NFATC3: variants seen among roughly 807,000 people sequenced by gnomAD.
NFATC3 encodes nuclear factor of activated T cells 3.
Under a neutral mutation model 98.6 loss-of-function variants are expected in NFATC3, and 46 were observed. The observed-to-expected ratio is 0.47, with a 90% confidence interval of 0.37 to 0.60. NFATC3 has a LOEUF of 0.60. Among genes scored for constraint, NFATC3 ranks in the 20% least tolerant of loss-of-function variants. The pLI, the probability that NFATC3 is intolerant of heterozygous loss-of-function variation, is 0.00. For missense variants in NFATC3, 1,256 were observed against 1,295.5 expected (o/e 0.97, Z 0.47); for synonymous variants, 512 against 472.2 (o/e 1.08, Z -1.09).
In NFATC3 at chr16:68,122,758, C is replaced by T. The variant is rs1485703161; in HGVS notation, c.875C>T (p.Ser292Leu). ...CYAGSLSPHH[S>L]PVPSPGHSPR... ...GCTGGGTCCCTTTCACCCCATCACT[C>T]ACCTGTTCCTTCACCTGGTCACTCC... The change falls in exon 2 of 10, where the codon TCA (serine) becomes TTA (leucine). Residue 292 changes from serine (S) to leucine (L), a missense_variant. Ser to Leu is a moderately radical substitution (Grantham distance 145). Coordinates refer to ENST00000346183, the MANE Select transcript of NFATC3 (RefSeq NM_173165.3). 2 of 1,614,122 alleles carry T rather than the reference C, an allele frequency of 1.2e-6. No individual in the cohort carries two copies. Among genetic ancestry groups the T allele is most frequent in the African/African-American group, 1.3e-5 (1 of 74,938 alleles).
rs570372563 is a variant in NFATC3 at position 68,189,440 on chromosome 16, C to T, written c.2099-1328C>T. The T allele has an allele frequency of 1.9e-5, 4 of 210,626 alleles. No individual in the cohort carries two copies. The East Asian group carries it at 3.3e-4, about 17-fold the overall frequency. The allele number at this position is 210,626 out of a possible 1,614,324, so 13.0% of individuals were successfully genotyped here. On this transcript the variant is annotated intron_variant, in intron 8 of 9. Coordinates refer to ENST00000346183, the MANE Select transcript of NFATC3 (RefSeq NM_173165.3). ...CACATGGGAAAAAAGATTGTGTTGG[C>T]TATTTGAGATCTCTTGAGATTCCAT...
chr16:68,098,306 T>A lies in NFATC3; in HGVS notation c.103+12522T>A, dbSNP rs866875076. 7.5e-3 allele frequency among the ~76,000 whole-genome samples: 934 copies of A among 125,056 alleles called. 6 individuals are homozygous for A. Among genetic ancestry groups the A allele is most frequent in the South Asian group, 0.021 (83 of 3,906 alleles). 82.0% of individuals were successfully genotyped at this position (125,056 alleles called of 152,430 possible). On this transcript the variant is annotated intron_variant, in intron 1 of 9. Coordinates refer to ENST00000346183, the MANE Select transcript of NFATC3 (RefSeq NM_173165.3). ...TATTATTATTATTATTATTATTTTT[T>A]TTTTTTTTTTTTTAGATGGAGTCTC... is the stretch of plus-strand genomic sequence containing the variant.
Position 68,152,378 on chromosome 16 carries a change from CAAAAAAAAAA to C in NFATC3, c.1402-5477_1402-5468del, listed in dbSNP as rs34713933. Among the ~76,000 whole-genome samples the C allele has an allele frequency of 7.9e-5, 6 of 75,854 alleles. No individual in the cohort carries two copies. The East Asian group carries it at 1.9e-3, about 24-fold the overall frequency. 49.8% of individuals were successfully genotyped at this position (75,854 alleles called of 152,430 possible). On this transcript the variant is annotated intron_variant, in intron 3 of 9. Coordinates refer to ENST00000346183, the MANE Select transcript of NFATC3 (RefSeq NM_173165.3). Reference sequence around the variant, plus strand: ...TGGGCAACAGAGCGAGACTCTGTCTCAAAAAAAAAAAAAAAAAAAAAAAGTACCATTCTAC... The same window carrying C: ...TGGGCAACAGAGCGAGACTCTGTCTCAAAAAAAAAAAAAGTACCATTCTAC...
intron 1 of NFATC3, among the ~76,000 whole-genome samples, chr16:68,099,284 A>G (rs2035210969): frequency 6.6e-6 from 1 of 152,024 alleles, no homozygotes; most frequent in African/African-American, 2.4e-5. Context: ...AAATACAAAA[A>G]ATTAGCCGGC....
In NFATC3 at chr16:68,171,406, T is replaced by C. The variant is rs77977545; in HGVS notation, c.1775-2968T>C. On this transcript the variant is annotated intron_variant, in intron 5 of 9. Transcript: ENST00000346183. ...ATTTAGAACAGTAGAGACATGAGTATTTTCTGAGATCTAGGTTGGTGCTTG... is the reference window on the plus strand; with the variant it reads ...ATTTAGAACAGTAGAGACATGAGTACTTTCTGAGATCTAGGTTGGTGCTTG... Among the ~76,000 whole-genome samples the C allele has an allele frequency of 6.2e-3, 948 of 152,254 alleles. 11 individuals are homozygous for C. Among genetic ancestry groups the C allele is most frequent in the African/African-American group, 0.022 (902 of 41,550 alleles).
intron 7 of NFATC3, among the ~76,000 whole-genome samples, chr16:68,182,200 A>G: frequency 6.6e-6 from 1 of 152,170 alleles, no homozygotes; most frequent in African/African-American, 2.4e-5. Flanking sequence ...AGTGGGTAAA[A>G]GTTAGGAGCA....
At chr16:68,180,929 A>C (rs2039924045) in intron 6 of NFATC3, among the ~76,000 whole-genome samples, 1 of 152,192 alleles carries the variant, frequency 6.6e-6, no homozygotes. Context: ...GTTGGTTCCA[A>C]GTCTTTGCTG....
intron 9 of NFATC3, among the ~76,000 whole-genome samples, chr16:68,216,333 G>A (rs2041635349): frequency 6.6e-6 from 1 of 152,142 alleles, no homozygotes; most frequent in African/African-American, 2.4e-5. Context: ...GAGAGAAGTT[G>A]TTTATTTTTT....
chr16:68,145,833 T>C (rs2151550533), intron 3 of NFATC3, among the ~76,000 whole-genome samples: 1 of 152,286 alleles, frequency 6.6e-6, no homozygotes, highest in South Asian at 2.1e-4. Context: ...AATGAATGCA[T>C]GTAGAACAAT....
At chr16:68,099,726 A>G (rs2035240421) in intron 1 of NFATC3, among the ~76,000 whole-genome samples, 1 of 152,006 alleles carries the variant, frequency 6.6e-6, no homozygotes, top group Admixed American at 6.6e-5. Context: ...CCTGGCAACC[A>G]CTAATCTATT....
At chr16:68,219,979 C>T (rs117992789) in intron 9 of NFATC3, among the ~76,000 whole-genome samples, 2,026 of 152,316 alleles carry the variant, frequency 0.013, 26 homozygotes, top group Middle Eastern at 0.034. Context: ...GTAGAAATAG[C>T]ATTCCAGTGG....
intron 1 of NFATC3, among the ~76,000 whole-genome samples, chr16:68,120,155 C>G (rs993389267): frequency 2.0e-5 from 3 of 150,714 alleles, no homozygotes; most frequent in African/African-American, 7.3e-5. Context: ...GTGGCATGCA[C>G]CTGTGGTCTC....
At chr16:68,183,393 T>TAG (rs1184182260) in intron 8 of NFATC3, 27 bp downstream of exon 8, 1 of 1,604,860 alleles carries the variant, frequency 6.2e-7, no homozygotes, top group East Asian at 2.2e-5. Flanking sequence ...TGGTTTACTA[T>TAG]AGAGCTTTCT....
chr16:68,166,581 G>A (rs973326290), intron 4 of NFATC3, among the ~76,000 whole-genome samples: 3 of 152,180 alleles, frequency 2.0e-5, no homozygotes, highest in African/African-American at 7.2e-5. Flanking sequence ...CTTAATGGCA[G>A]GAGGAAAGGC....
chr16:68,101,319 T>A (rs2035343593), intron 1 of NFATC3, among the ~76,000 whole-genome samples: 3 of 151,990 alleles, frequency 2.0e-5, no homozygotes, highest in African/African-American at 7.2e-5. Context: ...AATTTTTAAA[T>A]TTTTCGTAGA....
At chr16:68,196,220 A>G (rs1189070885) in intron 9 of NFATC3, among the ~76,000 whole-genome samples, 5 of 152,026 alleles carry the variant, frequency 3.3e-5, no homozygotes, top group African/African-American at 1.2e-4. Flanking sequence ...ACCAGGTTCA[A>G]GAGGTTCTCC....
At chr16:68,226,254 T>G in intron 9 of NFATC3, 96 bp from the exon 10 acceptor site, 1 of 1,410,614 alleles carries the variant, frequency 7.1e-7, no homozygotes, top group Non-Finnish European at 9.5e-7. Context: ...CAGAAAGCCA[T>G]GGGAAGGGAA....
intron 1 of NFATC3, among the ~76,000 whole-genome samples, chr16:68,117,814 G>A (rs1475927737): frequency 6.6e-6 from 1 of 152,108 alleles, no homozygotes; most frequent in East Asian, 1.9e-4. Flanking sequence ...CACCATGTCC[G>A]GCCCCAACAA....
chr16:68,204,016 C>T (rs1023595446), intron 9 of NFATC3, among the ~76,000 whole-genome samples: 9 of 151,924 alleles, frequency 5.9e-5, no homozygotes, highest in East Asian at 5.8e-4. Flanking sequence ...GGTGAAACCC[C>T]GTCTCTACTG....
Sources: allele counts gnomAD v4.1 joint callset (sites outside exome capture counted in the v4.1 genomes callset), GRCh38; gene constraint gnomAD v4.1.1; transcripts MANE v1.5; gene names NCBI Gene and HGNC (gene_info 2026-07-23, HGNC 2026-07-21).